Variants in MAP2K6 observed in about 807,000 individuals in gnomAD.
The protein encoded by MAP2K6 is dual specificity mitogen-activated protein kinase kinase 6.
MAP2K6 carries 16 observed loss-of-function variants against 53.7 expected under a neutral mutation model. That is an observed-to-expected ratio of 0.30 (90% CI 0.20 to 0.45). The LOEUF is 0.45. Ranked by LOEUF, MAP2K6 falls within the 20% of genes least tolerant of loss-of-function variation. MAP2K6 has a pLI of 1.00. For synonymous variants in MAP2K6, 132 were observed against 143.1 expected (o/e 0.92, Z 0.55); for missense variants, 204 against 411.9 (o/e 0.50, Z 4.37).
chr17:69,529,623 G>A (rs1328489047), intron 10 of MAP2K6, among the ~76,000 whole-genome samples: 2 of 147,968 alleles, frequency 1.4e-5, no homozygotes, highest in Non-Finnish European at 3.0e-5. Context: ...CCATTCTCCT[G>A]CCTCAGCCTC....
chr17:69,541,780 C>T lies in MAP2K6; in HGVS notation c.*27C>T, dbSNP rs532505455. The stretch of plus-strand genomic sequence containing the variant: ...AAGCAGTGGACTTAATCGGTTGACC[C>T]TACTGTGGATTGGTGGGTTTCGGGG... On this transcript the variant is annotated 3_prime_UTR_variant, in exon 12 of 12. Transcript: ENST00000590474. The T allele has an allele frequency of 2.5e-6, 4 of 1,585,258 alleles. No homozygotes were observed. The East Asian group carries it at 9.0e-5, about 36-fold the overall frequency.
chr17:69,433,151 C>T (rs1055387259), intron 1 of MAP2K6: 1 of 152,224 alleles, frequency 6.6e-6, no homozygotes, highest in Admixed American at 6.5e-5. Context: ...AATCTAAAGA[C>T]AAGACTTCAG....
At chr17:69,528,412 G>A (rs1249699975) in intron 10 of MAP2K6, among the ~76,000 whole-genome samples, 3 of 152,174 alleles carry the variant, frequency 2.0e-5, no homozygotes, top group Admixed American at 2.0e-4. Flanking sequence ...TTCCTTGAGG[G>A]AGTGTGCTGG....
rs200083125 is a variant in MAP2K6 at position 69,463,625 on chromosome 17, T to C, written c.17-42155T>C. 1.1e-3 allele frequency among the ~76,000 whole-genome samples: 173 copies of C among 150,534 alleles called. 1 individual carries two copies. The Middle Eastern group carries it at 0.014, about 12-fold the overall frequency. On this transcript the variant is annotated intron_variant, in intron 1 of 11. Transcript: ENST00000590474. ...CTCCCTCTCTCTCTCTCTATATATA[T>C]ACACACACACATATATGTATATACA...
rs376268427 is a variant in MAP2K6 at position 69,414,936 on chromosome 17, C to G, written c.-49C>G. On this transcript the variant is annotated 5_prime_UTR_variant, in exon 1 of 12. Transcript: ENST00000590474. ...TGCAAAACTAGCTACAGAAGAGAAGCAAGGCAAAGTCTTTTGTGCTCCCCT... is the reference window on the plus strand; with the variant it reads ...TGCAAAACTAGCTACAGAAGAGAAGGAAGGCAAAGTCTTTTGTGCTCCCCT... The G allele has an allele frequency of 2.6e-6, 4 of 1,518,206 alleles. No individual in the cohort carries two copies. The Middle Eastern group carries it at 6.8e-4, about 258-fold the overall frequency. The allele number at this position is 1,518,206 out of a possible 1,614,324, so 94.0% of individuals were successfully genotyped here.
chr17:69,512,334 TTTTTG>T lies in MAP2K6; in HGVS notation c.84-4516_84-4512del, dbSNP rs1358958741. Among the ~76,000 whole-genome samples, 558 of 73,878 alleles carry T rather than the reference TTTTTG, an allele frequency of 7.6e-3. 96 individuals are homozygous for T. The highest frequency in any genetic ancestry group is 0.018 in the Middle Eastern group (2 of 112). The allele number at this position is 73,878 out of a possible 152,430, so 48.5% of individuals were successfully genotyped here. On this transcript the variant is annotated intron_variant, in intron 2 of 11. Transcript: ENST00000590474. ...TCTCATTGTCTTTCTAAGTGTTTTT[TTTTTG>T]TTTTTTTTTTTTTTTTTTGAGACAG... is the stretch of plus-strand genomic sequence containing the variant.
chr17:69,536,612 A>C (rs1163952328), intron 11 of MAP2K6, among the ~76,000 whole-genome samples: 1 of 152,152 alleles, frequency 6.6e-6, no homozygotes, highest in African/African-American at 2.4e-5. Context: ...AGGAAAAAAA[A>C]TTTTGCTTTT....
chr17:69,536,074 T>C (rs371712369), intron 10 of MAP2K6, 41 bp from the exon 11 acceptor site: 95 of 1,317,954 alleles, frequency 7.2e-5, no homozygotes, highest in Non-Finnish European at 9.2e-5. Flanking sequence ...TGAAAATATA[T>C]ATGGCTTCTA....
chr17:69,502,326 T>G, intron 1 of MAP2K6: 1 of 985,454 alleles, frequency 1.0e-6, no homozygotes, highest in South Asian at 4.7e-5. Flanking sequence ...TCTGTTAGGT[T>G]TTCCTCTGCT....
chr17:69,418,272 G>C (rs1905967435), intron 1 of MAP2K6, among the ~76,000 whole-genome samples: 1 of 152,008 alleles, frequency 6.6e-6, no homozygotes, highest in African/African-American at 2.4e-5. Context: ...TTAACTGTAG[G>C]GGGCTTCAGG....
At chr17:69,491,510 A>G (rs1007662067) in intron 1 of MAP2K6, among the ~76,000 whole-genome samples, 1 of 152,092 alleles carries the variant, frequency 6.6e-6, no homozygotes, top group Non-Finnish European at 1.5e-5. Flanking sequence ...GCTATTGTGA[A>G]TAGTGCTGCA....
At chr17:69,499,147 C>T (rs546107103) in intron 1 of MAP2K6, among the ~76,000 whole-genome samples, 2 of 152,168 alleles carry the variant, frequency 1.3e-5, no homozygotes, top group South Asian at 4.2e-4. Flanking sequence ...TCAGTGGGCA[C>T]AAAGAGAGGT....
intron 1 of MAP2K6, chr17:69,433,708 A>G (rs780664661): frequency 6.6e-6 from 1 of 152,242 alleles, no homozygotes; most frequent in Non-Finnish European, 1.5e-5. Flanking sequence ...TCAAAGGGAA[A>G]GTGATTATTA....
intron 1 of MAP2K6, 193 bp from the exon 2 acceptor site, chr17:69,505,585 CTG>C: frequency 1.9e-6 from 1 of 531,754 alleles, no homozygotes; most frequent in South Asian, 2.1e-5. Flanking sequence ...TGACCACAGT[CTG>C]TATTTGAGAA....
intron 2 of MAP2K6, among the ~76,000 whole-genome samples, chr17:69,509,743 T>A (rs1436108921): frequency 6.6e-6 from 1 of 152,170 alleles, no homozygotes; most frequent in Non-Finnish European, 1.5e-5. Flanking sequence ...CTATTAAGTA[T>A]GAAGCGAACT....
At chr17:69,520,705 C>A in intron 6 of MAP2K6, 1 of 376,544 alleles carries the variant, frequency 2.7e-6, no homozygotes, top group Non-Finnish European at 4.7e-6. Flanking sequence ...AAAATGTTCT[C>A]TTGAGACTAG....
At chr17:69,430,464 C>T (rs1355786346) in intron 1 of MAP2K6, among the ~76,000 whole-genome samples, 2 of 152,210 alleles carry the variant, frequency 1.3e-5, no homozygotes, top group African/African-American at 4.8e-5. Flanking sequence ...CATATTAGTT[C>T]TGCCTGAAAG....
At chr17:69,446,793 A>G (rs1906981074) in intron 1 of MAP2K6, among the ~76,000 whole-genome samples, 4 of 151,946 alleles carry the variant, frequency 2.6e-5, no homozygotes, top group South Asian at 4.2e-4. Flanking sequence ...CCCTTTTACA[A>G]TTGCTGTGCT....
chr17:69,533,883 G>A (rs934598497), intron 10 of MAP2K6, among the ~76,000 whole-genome samples: 3 of 152,060 alleles, frequency 2.0e-5, no homozygotes, highest in Non-Finnish European at 2.9e-5. Flanking sequence ...GGCAGGAGAC[G>A]GTCGTGGTGA....
Sources: gnomAD v4.1 joint callset for allele counts (sites outside exome capture counted in the v4.1 genomes callset) on GRCh38, gnomAD v4.1.1 for gene constraint, MANE v1.5 for transcripts, NCBI Gene and HGNC (gene_info 2026-07-23, HGNC 2026-07-21) for gene names.